The following TPM3 variants were observed in gnomAD, a reference collection of about 807,000 sequenced individuals.
The protein encoded by TPM3 is tropomyosin 3.
A neutral mutation model predicts 43.1 loss-of-function variants in TPM3; 16 were observed. That is an observed-to-expected ratio of 0.37 (90% CI 0.25 to 0.56). The LOEUF is 0.56. Among genes scored for constraint, TPM3 ranks in the 20% least tolerant of loss-of-function variants. The pLI is 0.77. For missense variants in TPM3, 176 were observed against 337.2 expected (o/e 0.52, Z 3.74); for synonymous variants, 101 against 116.9 (o/e 0.86, Z 0.88).
chr1:154,170,219 TA>T, intron 8 of TPM3, 180 bp downstream of exon 8: 1 of 650,036 alleles, frequency 1.5e-6, no homozygotes, highest in Non-Finnish European at 2.7e-6. Context: ...AGATTAAATT[TA>T]AAAAACCAAT....
At chr1:154,173,395 T>A (rs1341124870) in intron 3 of TPM3, among the ~76,000 whole-genome samples, 194 bp from the exon 4 acceptor site, 1 of 152,240 alleles carries the variant, frequency 6.6e-6, no homozygotes, top group African/African-American at 2.4e-5. Flanking sequence ...CTGGGCACAG[T>A]GGCTCACGCC....
intron 2 of TPM3, among the ~76,000 whole-genome samples, chr1:154,176,832 A>G (rs188628873): frequency 7.9e-5 from 12 of 151,970 alleles, no homozygotes; most frequent in African/African-American, 1.7e-4. Flanking sequence ...TACAAAAATT[A>G]GCCAGGTGTG....
Position 154,167,327 on chromosome 1 carries a change from G to T in TPM3, c.*610C>A. The T allele has an allele frequency of 9.5e-7, 1 of 1,055,698 alleles. No individual in the cohort carries two copies. The highest frequency in any genetic ancestry group is 1.1e-6 in the Non-Finnish European group (1 of 873,420). 65.4% of individuals were successfully genotyped at this position (1,055,698 alleles called of 1,614,324 possible). ...TAGCAATAATGTATTGGGTTCACTGGGTGTTCTGAGGATGCACCATTTGAA... is the reference window on the plus strand; with the variant it reads ...TAGCAATAATGTATTGGGTTCACTGTGTGTTCTGAGGATGCACCATTTGAA... On this transcript the variant is annotated 3_prime_UTR_variant, in exon 10 of 10. Transcript: ENST00000651641.
intron 2 of TPM3, among the ~76,000 whole-genome samples, chr1:154,181,274 C>T (rs963329772): frequency 2.6e-5 from 4 of 152,194 alleles, no homozygotes; most frequent in African/African-American, 9.7e-5. Flanking sequence ...TTCCAACAAT[C>T]TTTAAGTATT....
intron 9 of TPM3, among the ~76,000 whole-genome samples, chr1:154,168,350 C>A (rs1269557838): frequency 6.6e-6 from 1 of 152,208 alleles, no homozygotes; most frequent in Non-Finnish European, 1.5e-5. Context: ...GTTACTGGCT[C>A]TGTGGGCCCT....
At chr1:154,174,441 T>C (rs1571412629) in intron 3 of TPM3, among the ~76,000 whole-genome samples, 1 of 123,764 alleles carries the variant, frequency 8.1e-6, no homozygotes, top group Non-Finnish European at 1.7e-5. Flanking sequence ...TTCCCCAAAG[T>C]AATAATATAC....
intron 2 of TPM3, among the ~76,000 whole-genome samples, chr1:154,188,674 CAAAAAAAA>C (rs572467862): frequency 3.4e-5 from 2 of 59,528 alleles, no homozygotes; most frequent in African/African-American, 1.2e-4. Flanking sequence ...GACTCCGTCT[CAAAAAAAA>C]AAAAAAAAAA....
downstream of TPM3, among the ~76,000 whole-genome samples, chr1:154,160,239 A>G (rs1266020134): frequency 1.3e-5 from 2 of 152,084 alleles, no homozygotes; most frequent in African/African-American, 4.8e-5. Flanking sequence ...AAATTCACAA[A>G]TAAGTTTCTC....
rs777884915 is a variant in TPM3, at chr1:154,169,299, A to G, written c.854+6T>C. 6.2e-7 allele frequency: 1 copy of G among 1,614,118 alleles called. No individual in the cohort carries two copies. The highest frequency in any genetic ancestry group is 1.7e-5 in the Admixed American group (1 of 60,024). ...TCCCAGCCCCACTCTACTGTCAGAT[A>G]GTTACATAGAGGTCATGTCATTGAG... On this transcript the variant is annotated splice_donor_region_variant and intron_variant, in intron 9 of 9. Transcript: ENST00000651641.
chr1:154,183,143 C>G, intron 2 of TPM3: 7 of 1,597,824 alleles, frequency 4.4e-6, no homozygotes, highest in Non-Finnish European at 5.9e-6. Context: ...CTACTGCTCG[C>G]GCTCCGGTTC....
Position 154,163,576 on chromosome 1 carries a change from G to A in TPM3, c.*4361C>T, listed in dbSNP as rs1660613269. 2.6e-5 allele frequency among the ~76,000 whole-genome samples: 4 copies of A among 152,120 alleles called. No individual in the cohort carries two copies. The highest frequency in any genetic ancestry group is 4.8e-5 in the African/African-American group (2 of 41,500). On this transcript the variant is annotated 3_prime_UTR_variant, in exon 10 of 10. Transcript: ENST00000651641. Reference sequence around the variant, plus strand: ...GAACTTTTTAAAGAACTACTCAACCGTCTTCTTTCCCTCCAATCAGTTCCA... The same window carrying A: ...GAACTTTTTAAAGAACTACTCAACCATCTTCTTTCCCTCCAATCAGTTCCA...
At chr1:154,178,066 C>G in intron 2 of TPM3, 1 of 880,012 alleles carries the variant, frequency 1.1e-6, no homozygotes. Context: ...AAGAGCAAGT[C>G]AGGCTATCAG....
rs1203504746 is a variant in TPM3, at chr1:154,166,668, T to G, written c.*1269A>C. ...CTATACTATTAAGAAATCTCTGCTGTGTAAATTGGAATGCGAATTCCTTTT... is the reference window on the plus strand; with the variant it reads ...CTATACTATTAAGAAATCTCTGCTGGGTAAATTGGAATGCGAATTCCTTTT... On this transcript the variant is annotated 3_prime_UTR_variant, in exon 10 of 10. Transcript: ENST00000651641. The G allele has an allele frequency of 9.7e-7, 1 of 1,027,656 alleles. No homozygotes were observed. Among genetic ancestry groups the G allele is most frequent in the Non-Finnish European group, 1.2e-6 (1 of 856,416 alleles). 63.7% of individuals were successfully genotyped at this position (1,027,656 alleles called of 1,614,324 possible).
intron 3 of TPM3, among the ~76,000 whole-genome samples, chr1:154,174,407 T>TATATATACACACACACAC (rs1261318136): frequency 1.4e-5 from 1 of 72,692 alleles, no homozygotes; most frequent in African/African-American, 5.0e-5. Flanking sequence ...TATATATATA[T>TATATATACACACACACAC]ACACACAAAA....
Position 154,163,108 on chromosome 1 carries a change from C to A in TPM3, c.*4829G>T, listed in dbSNP as rs1237961458. Among the ~76,000 whole-genome samples, 1 of 152,228 alleles carries A rather than the reference C, an allele frequency of 6.6e-6. No individual in the cohort carries two copies. The highest frequency in any genetic ancestry group is 1.5e-5 in the Non-Finnish European group (1 of 68,028). On this transcript the variant is annotated 3_prime_UTR_variant, in exon 10 of 10. Coordinates refer to ENST00000651641, the MANE Select transcript of TPM3 (RefSeq NM_152263.4). ...ACAGGCATGAGCCACCATGCCCGGT[C>A]TACTTCCTTCCTTTCTAAGAAGTCT...
chr1:154,183,457 TG>T (rs1663211080), intron 2 of TPM3, among the ~76,000 whole-genome samples: 1 of 152,194 alleles, frequency 6.6e-6, no homozygotes, highest in Admixed American at 6.5e-5. Context: ...CCCGCCAGGC[TG>T]GCTGCCCACA....
chr1:154,169,285 C>T lies in TPM3; in HGVS notation c.854+20G>A, dbSNP rs1300002756. 8 of 1,613,836 alleles carry T rather than the reference C, an allele frequency of 5.0e-6. No homozygotes were observed. The highest frequency in any genetic ancestry group is 6.8e-6 in the Non-Finnish European group (8 of 1,179,808). ...CCCACAAGCCAAGATCCCAGCCCCA[C>T]TCTACTGTCAGATAGTTACATAGAG... On this transcript the variant is annotated intron_variant, in intron 9 of 9. Transcript: ENST00000651641.
intron 1 of TPM3, 104 bp from the exon 2 acceptor site, chr1:154,191,415 C>A: frequency 1.3e-6 from 2 of 1,569,356 alleles, no homozygotes; most frequent in East Asian, 2.3e-5. Context: ...TGTTACCATC[C>A]CTAGTGAGAC....
At chr1:154,175,143 A>G (rs1462164631) in intron 3 of TPM3, among the ~76,000 whole-genome samples, 1 of 152,026 alleles carries the variant, frequency 6.6e-6, no homozygotes, top group Non-Finnish European at 1.5e-5. Flanking sequence ...CATCCTGGCT[A>G]ATACGGTGAA....
Sources: gnomAD v4.1 joint callset for allele counts (sites outside exome capture counted in the v4.1 genomes callset) on GRCh38, gnomAD v4.1.1 for gene constraint, MANE v1.5 for transcripts, NCBI Gene and HGNC (gene_info 2026-07-23, HGNC 2026-07-21) for gene names.